The following BTD variants were observed in gnomAD, a reference collection of about 807,000 sequenced individuals.
The protein encoded by BTD is biocytinase.
BTD carries 13 observed loss-of-function variants against 17.7 expected under a neutral mutation model. The ratio of observed to expected loss-of-function variants is 0.74; its 90% confidence interval spans 0.48 to 1.17. The LOEUF is 1.17. Among genes scored for constraint, BTD ranks in the 50% most tolerant of loss-of-function variants. The probability of loss-of-function intolerance (pLI) is 0.00; values close to 1 mark genes in which losing one functional copy is unlikely to be tolerated. For missense variants in BTD, 674 were observed against 650.4 expected, an observed-to-expected ratio of 1.04 and a Z score of -0.39; for synonymous variants, 240 against 245.2, an observed-to-expected ratio of 0.98 and a Z score of 0.20.
chr3:15,704,342 G>A (rs1307291393), intron 3 of BTD, among the ~76,000 whole-genome samples: 2 of 152,018 alleles, frequency 1.3e-5, no homozygotes, highest in Non-Finnish European at 2.9e-5. Flanking sequence ...TACTCAAAGT[G>A]AGGATGAAGG....
intron 3 of BTD, chr3:15,668,238 A>AT (rs1243394407): frequency 1.3e-5 from 2 of 152,214 alleles, no homozygotes; most frequent in Non-Finnish European, 2.9e-5. Context: ...TAGAGACTGG[A>AT]TGAACCTCAG....
chr3:15,613,503 C>T (rs538264940), intron 1 of BTD, among the ~76,000 whole-genome samples: 25 of 152,168 alleles, frequency 1.6e-4, no homozygotes, highest in African/African-American at 5.5e-4. Context: ...CTTCTCCCTT[C>T]TCTCTTCTTC....
At chr3:15,611,438 G>GA (rs992658162) in intron 1 of BTD, among the ~76,000 whole-genome samples, 1 of 151,816 alleles carries the variant, frequency 6.6e-6, no homozygotes, top group African/African-American at 2.4e-5. Context: ...CACTTCATAA[G>GA]AAAAAAATGC....
At chr3:15,688,722 G>C (rs1033636349) in intron 3 of BTD, among the ~76,000 whole-genome samples, 8 of 152,218 alleles carry the variant, frequency 5.3e-5, no homozygotes, top group African/African-American at 1.7e-4. Flanking sequence ...AAAATAGAGA[G>C]TTGTGAATCT....
chr3:15,644,354 T>A lies in BTD; in HGVS notation c.438T>A (p.Asp146Glu). 1 of 1,614,032 alleles carries A rather than the reference T, an allele frequency of 6.2e-7. No homozygotes were observed. Among genetic ancestry groups the A allele is most frequent in the South Asian group, 1.1e-5 (1 of 91,064 alleles). ...QRLSCMAIRG[D>E]MFLVANLGTK... ...TGAGTTGTATGGCCATCAGGGGAGA[T>A]ATGTTCTTGGTGGCCAATCTTGGGA... The change falls in exon 4 of 4, where the codon GAT becomes GAA. Residue 146 changes from aspartate (D) to glutamate (E), a missense_variant. By Grantham distance (45) the Asp-to-Glu change is conservative. Transcript: ENST00000643237.
In BTD at chr3:15,635,477, G is replaced by A. The variant is rs141131444; in HGVS notation, c.38G>A (p.Cys13Tyr). 6.2e-7 allele frequency: 1 copy of A among 1,614,178 alleles called. No homozygotes were observed. The highest frequency in any genetic ancestry group is 1.1e-5 in the South Asian group (1 of 91,084). Residue 13 changes from cysteine to tyrosine, a missense_variant, in exon 2 of 4, where the codon TGC becomes TAC. By Grantham distance (194) the Cys-to-Tyr change is radical (BLOSUM62 -2). Coordinates refer to ENST00000643237, the MANE Select transcript of BTD (RefSeq NM_001370658.1). The surrounding 1 kb of genome is among the most constrained non-coding windows in gnomAD (Gnocchi z 4.1). ...AGAAGTAAGCTTGCTCTTTTCCTCT[G>A]CGGCTGTTACGTGGTTGCCCTGGGA... ...GARSKLALFL[C>Y]GCYVVALGAH...
At chr3:15,675,853 G>C (rs763637080) in intron 3 of BTD, 1 of 1,440,948 alleles carries the variant, frequency 6.9e-7, no homozygotes, top group Admixed American at 2.1e-5. Context: ...TGGATCAAAA[G>C]ATAAAAGCTC....
intron 2 of BTD, among the ~76,000 whole-genome samples, chr3:15,640,308 A>G (rs185906947): frequency 1.3e-5 from 2 of 152,222 alleles, no homozygotes; most frequent in South Asian, 4.1e-4. Flanking sequence ...GGAACACTTC[A>G]AATTCCAATA....
At position 15,644,930 on chromosome 3, in the gene BTD, T is replaced by C. The variant is rs371365798; in HGVS notation, c.1014T>C (p.His338=). 60 of 1,613,910 alleles carry C rather than the reference T, an allele frequency of 3.7e-5. 1 individual carries two copies. The highest frequency in any genetic ancestry group is 2.7e-4 in the East Asian group (12 of 44,886). Residue 338 remains histidine (H), a synonymous_variant, in exon 4 of 4, where the codon CAT becomes CAC. Coordinates refer to ENST00000643237, the MANE Select transcript of BTD (RefSeq NM_001370658.1). ...CAACAGGTGAAACGGACCCATCCCA[T>C]AGTAAGTTTTTAAAAATTTTGTCAG... is the stretch of plus-strand genomic sequence containing the variant. The part of the protein sequence containing the change: ...ENATGETDPS[H]SKFLKILSGD...
At position 15,695,128 on chromosome 3, in the gene BTD, T is replaced by G. The variant is rs932878745; in HGVS notation, c.400-14932T>G. ...TCTAATGAGAGCAAACAGATAAACA[T>G]AACTGGTAGGAGGGAACTGACCAAT... On this transcript the variant is annotated intron_variant, in intron 3 of 3. Transcript: ENST00000672141. 3 of 1,332,610 alleles carry G rather than the reference T, an allele frequency of 2.3e-6. No homozygotes were observed. In the African/African-American group the frequency reaches 4.3e-5, roughly 19 times the overall value. 82.5% of individuals were successfully genotyped at this position (1,332,610 alleles called of 1,614,324 possible).
chr3:15,634,581 A>G (rs1021293275), intron 1 of BTD, among the ~76,000 whole-genome samples: 2 of 152,236 alleles, frequency 1.3e-5, no homozygotes, highest in Non-Finnish European at 2.9e-5. Flanking sequence ...GGTAGAAGCT[A>G]TGAAGCTGAG....
At chr3:15,612,021 A>G (rs1421846799) in intron 1 of BTD, among the ~76,000 whole-genome samples, 1 of 148,156 alleles carries the variant, frequency 6.7e-6, no homozygotes, top group East Asian at 2.0e-4. Context: ...ATACTTATTC[A>G]TTCTGTCATT....
intron 1 of BTD, among the ~76,000 whole-genome samples, chr3:15,604,929 A>G (rs1409781347): frequency 6.6e-6 from 1 of 152,210 alleles, no homozygotes; most frequent in Admixed American, 6.5e-5. Context: ...GGAGGTTCCA[A>G]ACTTTCCCAC....
At position 15,660,005 on chromosome 3, in the gene BTD, C is replaced by T. The variant is rs141433416; in HGVS notation, c.399+17948C>T. Among the ~76,000 whole-genome samples the T allele has an allele frequency of 4.6e-5, 7 of 152,304 alleles. No homozygotes were observed. The East Asian group carries it at 1.3e-3, about 29-fold the overall frequency. ...TATTTCATTTAATTCTTCTCATAAA[C>T]CCAATGGAAAATATAAGCAAGAATA... On this transcript the variant is annotated intron_variant, in intron 3 of 3. Transcript: ENST00000672141.
intron 1 of BTD, among the ~76,000 whole-genome samples, chr3:15,634,027 C>T (rs765807563): frequency 3.9e-5 from 6 of 152,150 alleles, no homozygotes; most frequent in Non-Finnish European, 7.3e-5. Context: ...TGGTACATTT[C>T]CCTGGGGAAA....
chr3:15,685,667 G>A (rs1222629615), intron 3 of BTD, among the ~76,000 whole-genome samples: 1 of 152,156 alleles, frequency 6.6e-6, no homozygotes, highest in East Asian at 1.9e-4. Context: ...AACAGGAAGA[G>A]AGAAACTTGG....
At chr3:15,721,249 G>A (rs753904597) in intron 4 of BTD, 69 of 797,440 alleles carry the variant, frequency 8.7e-5, no homozygotes, top group Non-Finnish European at 1.2e-4. Flanking sequence ...GACAAGATAA[G>A]TACAGAGATA....
At chr3:15,631,430 A>G in intron 1 of BTD, 1 of 1,530,532 alleles carries the variant, frequency 6.5e-7, no homozygotes. Context: ...ATTTCAGAAG[A>G]CACTATTGTA....
intron 3 of BTD, among the ~76,000 whole-genome samples, chr3:15,707,003 T>G (rs2071528455): frequency 6.6e-6 from 1 of 152,228 alleles, no homozygotes; most frequent in Non-Finnish European, 1.5e-5. Context: ...AAAATGGTTT[T>G]GAAATTAAAG....
Sources: gnomAD v4.1 joint callset for allele counts (sites outside exome capture counted in the v4.1 genomes callset) on GRCh38, gnomAD v4.1.1 for gene constraint, Gnocchi (gnomAD v3.1) non-coding constraint, MANE v1.5 for transcripts, NCBI Gene and HGNC (gene_info 2026-07-23, HGNC 2026-07-21) for gene names.